ADGRL3: variants seen among roughly 807,000 people sequenced by gnomAD.
ADGRL3 encodes the protein adhesion G protein-coupled receptor L3.
In ADGRL3, 62 loss-of-function variants were observed where a neutral mutation model predicts 153.5. The ratio of observed to expected loss-of-function variants is 0.40; its 90% CI spans 0.33 to 0.50. The LOEUF (loss-of-function observed/expected upper bound fraction) is 0.50. Ranked by LOEUF, ADGRL3 falls within the 20% of genes least tolerant of loss-of-function variation. The pLI, the probability that ADGRL3 is intolerant of heterozygous loss-of-function variation, is 0.47. For synonymous variants in ADGRL3, 710 were observed against 672.5 expected (o/e 1.06, Z -0.86); for missense variants, 1,641 against 1,859.4 (o/e 0.88, Z 2.16).
At chr4:61,410,685 A>G (rs745770721) in intron 2 of ADGRL3, among the ~76,000 whole-genome samples, 1 of 152,182 alleles carries the variant, frequency 6.6e-6, no homozygotes, top group African/African-American at 2.4e-5. Context: ...GTGCCTGGAC[A>G]TACTCAGTAT....
At chr4:61,221,447 A>C (rs1160197433) in intron 1 of ADGRL3, among the ~76,000 whole-genome samples, 1 of 152,164 alleles carries the variant, frequency 6.6e-6, no homozygotes, top group Non-Finnish European at 1.5e-5. Context: ...AACATAAGAC[A>C]TCGTCTGTTC....
At chr4:62,028,969 A>C (rs894556982) in intron 22 of ADGRL3, 88 bp downstream of exon 22, 1 of 1,166,390 alleles carries the variant, frequency 8.6e-7, no homozygotes, top group Non-Finnish European at 1.2e-6. Context: ...AAATCATTAG[A>C]GCTTCTGTCA....
At chr4:61,241,902 T>A (rs542716085) in intron 1 of ADGRL3, among the ~76,000 whole-genome samples, 9 of 152,132 alleles carry the variant, frequency 5.9e-5, no homozygotes, top group Admixed American at 3.9e-4. Context: ...AGAATAGATC[T>A]GATAATGCAA....
intron 4 of ADGRL3, among the ~76,000 whole-genome samples, chr4:61,584,055 T>C (rs2098936538): frequency 6.7e-6 from 1 of 149,066 alleles, no homozygotes; most frequent in Non-Finnish European, 1.5e-5. Flanking sequence ...GATAACTGAA[T>C]GGCAAAAAAC....
chr4:61,882,583 T>A (rs2098514799), intron 9 of ADGRL3, among the ~76,000 whole-genome samples: 1 of 152,154 alleles, frequency 6.6e-6, no homozygotes, highest in Admixed American at 6.5e-5. Flanking sequence ...GTTCTCACTT[T>A]GGCCTGTCAA....
intron 6 of ADGRL3, among the ~76,000 whole-genome samples, chr4:61,723,525 T>C (rs1229739748): frequency 2.0e-5 from 3 of 152,156 alleles, no homozygotes; most frequent in Non-Finnish European, 4.4e-5. Context: ...AGGCGGTGTC[T>C]GATTTGCATA....
intron 9 of ADGRL3, among the ~76,000 whole-genome samples, chr4:61,880,694 A>G (rs913025157): frequency 1.3e-5 from 2 of 152,210 alleles, no homozygotes; most frequent in Non-Finnish European, 2.9e-5. Context: ...TAATTTATCT[A>G]TCAAGTATAT....
At chr4:61,927,579 A>G (rs1334864777) in intron 13 of ADGRL3, among the ~76,000 whole-genome samples, 1 of 152,148 alleles carries the variant, frequency 6.6e-6, no homozygotes, top group Non-Finnish European at 1.5e-5. Context: ...ATATTAAATG[A>G]CAGTGGTTAT....
At chr4:61,946,860 A>G in intron 15 of ADGRL3, 54 bp from the exon 16 acceptor site, 1 of 1,303,184 alleles carries the variant, frequency 7.7e-7, no homozygotes, top group Non-Finnish European at 1.1e-6. Flanking sequence ...TCTCATTAGT[A>G]CTAACTAATT....
intron 4 of ADGRL3, among the ~76,000 whole-genome samples, chr4:61,564,881 G>A (rs1015729487): frequency 1.1e-4 from 17 of 152,184 alleles, no homozygotes; most frequent in Admixed American, 9.2e-4. Context: ...AAAATGGTCA[G>A]CTGGTAGAGC....
At chr4:61,350,404 A>G (rs1400534653) in intron 1 of ADGRL3, among the ~76,000 whole-genome samples, 1 of 142,788 alleles carries the variant, frequency 7.0e-6, no homozygotes, top group Non-Finnish European at 1.5e-5. Flanking sequence ...CTGTCTTTGC[A>G]GTAGTATAAA....
intron 21 of ADGRL3, among the ~76,000 whole-genome samples, chr4:62,021,393 G>A (rs1315836873): frequency 6.6e-6 from 1 of 152,060 alleles, no homozygotes; most frequent in Non-Finnish European, 1.5e-5. Flanking sequence ...ATTCAGGCAG[G>A]CTGGTTTGCA....
chr4:61,308,234 C>T (rs2094872211), intron 1 of ADGRL3, among the ~76,000 whole-genome samples: 1 of 152,088 alleles, frequency 6.6e-6, no homozygotes, highest in Non-Finnish European at 1.5e-5. Flanking sequence ...AGTTTCTTAG[C>T]AATTCTTCCA....
In ADGRL3 at chr4:61,392,684, CAAAAA is replaced by C. The variant is rs397993633; in HGVS notation, c.-174+9513_-174+9517del. On this transcript the variant is annotated intron_variant, in intron 2 of 26. Transcript: ENST00000683033. ...CTGGTGACAGAGCGAGACTCCATCT[CAAAAA>C]AAAAAAAAAAAAAAAAAGAAAAAGG... Among the ~76,000 whole-genome samples the C allele has an allele frequency of 2.5e-3, 34 of 13,376 alleles. 1 individual carries two copies. The highest frequency in any genetic ancestry group is 3.1e-3 in the African/African-American group (18 of 5,864). 8.8% of individuals were successfully genotyped at this position (13,376 alleles called of 152,430 possible).
At chr4:61,769,580 TTGTGTGAGCAACATGGC>T (rs893355229) in intron 8 of ADGRL3, among the ~76,000 whole-genome samples, 24 of 151,946 alleles carry the variant, frequency 1.6e-4, no homozygotes, top group Non-Finnish European at 2.4e-4. Flanking sequence ...CAAACAGGCT[TTGTGTGAGCAACATGGC>T]TGTTGCTCAC....
intron 24 of ADGRL3, among the ~76,000 whole-genome samples, chr4:62,040,349 C>A (rs1432470424): frequency 1.3e-5 from 2 of 151,908 alleles, no homozygotes; most frequent in Non-Finnish European, 2.9e-5. Flanking sequence ...AAATAATTTA[C>A]ATTTTTTCTT....
At chr4:61,414,119 G>T (rs1047215465) in intron 2 of ADGRL3, among the ~76,000 whole-genome samples, 2 of 152,132 alleles carry the variant, frequency 1.3e-5, no homozygotes, top group Non-Finnish European at 2.9e-5. Context: ...AAACAAGTCA[G>T]GAAATTATCT....
At chr4:61,640,856 TC>T (rs2093634369) in intron 5 of ADGRL3, among the ~76,000 whole-genome samples, 1 of 152,202 alleles carries the variant, frequency 6.6e-6, no homozygotes, top group African/African-American at 2.4e-5. Flanking sequence ...AAGTTTATTG[TC>T]CTTTGTGAAT....
chr4:61,606,089 G>A (rs1350341867), intron 5 of ADGRL3, among the ~76,000 whole-genome samples: 2 of 152,102 alleles, frequency 1.3e-5, no homozygotes, highest in Non-Finnish European at 2.9e-5. Flanking sequence ...AAATGTCATA[G>A]AGAGGTTGGA....
Sources: gnomAD v4.1 joint callset for allele counts (sites outside exome capture counted in the v4.1 genomes callset) on GRCh38, gnomAD v4.1.1 for gene constraint, MANE v1.5 for transcripts, NCBI Gene and HGNC (gene_info 2026-07-23, HGNC 2026-07-21) for gene names.